SCARA5: variants seen among roughly 807,000 people sequenced by gnomAD.
SCARA5 encodes the protein scavenger receptor class A member 5.
SCARA5 carries 45 observed loss-of-function variants against 46.3 expected under a neutral mutation model. The ratio of observed to expected loss-of-function variants is 0.97; its 90% confidence interval spans 0.76 to 1.24. The LOEUF is 1.24. SCARA5 is among the 50% of genes most tolerant of loss of function. SCARA5 has a pLI of 0.00. For synonymous variants in SCARA5, 333 were observed against 306.5 expected, an observed-to-expected ratio of 1.09 and a Z score of -0.90; for missense variants, 680 against 689.0, an observed-to-expected ratio of 0.99 and a Z score of 0.15.
intron 3 of SCARA5, among the ~76,000 whole-genome samples, chr8:27,966,121 G>A (rs1215509950): frequency 6.6e-6 from 1 of 152,128 alleles, no homozygotes; most frequent in African/African-American, 2.4e-5. Context: ...AGAGGCCCAG[G>A]GAGGCCCAGT....
chr8:27,898,625 C>A (rs1370089157), intron 7 of SCARA5, among the ~76,000 whole-genome samples: 1 of 152,204 alleles, frequency 6.6e-6, no homozygotes, highest in East Asian at 1.9e-4. Flanking sequence ...TGTCCCTACT[C>A]CTGAAATAGC....
At position 27,887,591 on chromosome 8, in the gene SCARA5, C is replaced by T. The variant is rs535141616; in HGVS notation, c.1154-7825G>A. Among the ~76,000 whole-genome samples the T allele has an allele frequency of 2.0e-5, 3 of 152,288 alleles. No individual in the cohort carries two copies. In the South Asian group the frequency reaches 6.2e-4, roughly 32 times the overall value. On this transcript the variant is annotated intron_variant, in intron 7 of 8. Coordinates refer to ENST00000354914, the MANE Select transcript of SCARA5 (RefSeq NM_173833.6). ...TGTTCTTGACAGCTTATTCCAATCC[C>T]CATCCCACAAGGCTTTGGCAGAGCT...
intron 2 of SCARA5, among the ~76,000 whole-genome samples, chr8:27,981,462 A>G (rs1026472649): frequency 6.6e-6 from 1 of 152,218 alleles, no homozygotes; most frequent in African/African-American, 2.4e-5. Context: ...GGGTGACTCC[A>G]CAGGGCAGAA....
intron 2 of SCARA5, among the ~76,000 whole-genome samples, chr8:27,986,834 T>G (rs559181520): frequency 9.8e-5 from 15 of 152,310 alleles, no homozygotes; most frequent in Middle Eastern, 3.4e-3. Flanking sequence ...CTCTTTGACG[T>G]GGGGGCAATG....
At chr8:27,942,311 C>A (rs967566473) in intron 3 of SCARA5, among the ~76,000 whole-genome samples, 1 of 152,188 alleles carries the variant, frequency 6.6e-6, no homozygotes, top group Non-Finnish European at 1.5e-5. Context: ...AGCTTTTCAC[C>A]CTCTTCACGA....
intron 3 of SCARA5, among the ~76,000 whole-genome samples, chr8:27,934,940 A>G (rs769686726): frequency 3.3e-4 from 50 of 152,232 alleles, no homozygotes; most frequent in African/African-American, 8.9e-4. Flanking sequence ...GGCCAGCATG[A>G]AGGAGGTGAC....
chr8:27,991,223 C>T (rs534176022), intron 1 of SCARA5, among the ~76,000 whole-genome samples: 1 of 152,312 alleles, frequency 6.6e-6, no homozygotes, highest in Admixed American at 6.5e-5. Flanking sequence ...AGCTGCTGGT[C>T]ACCCAGGATC....
chr8:27,877,944 G>A (rs1335217792), intron 8 of SCARA5, among the ~76,000 whole-genome samples: 1 of 152,208 alleles, frequency 6.6e-6, no homozygotes. Context: ...AGGAGTGGAG[G>A]CTTCCACCTC....
At position 27,907,194 on chromosome 8, in the gene SCARA5, A is replaced by G; in HGVS notation, c.1050T>C (p.Asp350=). Residue 350 remains aspartate, a synonymous_variant, in exon 6 of 9, where the codon GAT becomes GAC. Transcript: ENST00000354914. ...TTGGTCCTGTGGCCCCCAGCTTCCC[A>G]TCATCGCCCTTGGGCCCGGGCAATC... is the stretch of plus-strand genomic sequence containing the variant. The part of the protein sequence containing the change: ...TPGLPGPKGD[D]GKLGATGPMG... 6.2e-7 allele frequency: 1 copy of G among 1,613,610 alleles called. No homozygotes were observed. The highest frequency in any genetic ancestry group is 8.5e-7 in the Non-Finnish European group (1 of 1,179,834).
At chr8:27,875,822 C>A (rs985201091) in intron 8 of SCARA5, among the ~76,000 whole-genome samples, 2 of 152,152 alleles carry the variant, frequency 1.3e-5, no homozygotes, top group Non-Finnish European at 2.9e-5. Flanking sequence ...TAGCAAGACC[C>A]TATTTCTCCA....
At chr8:27,984,805 A>G (rs1241170381) in intron 2 of SCARA5, among the ~76,000 whole-genome samples, 1 of 152,036 alleles carries the variant, frequency 6.6e-6, no homozygotes, top group Non-Finnish European at 1.5e-5. Flanking sequence ...CCATTCATCC[A>G]TCCATTCATC....
chr8:27,918,307 C>A (rs533326648), intron 4 of SCARA5, among the ~76,000 whole-genome samples: 1 of 152,300 alleles, frequency 6.6e-6, no homozygotes, highest in South Asian at 2.1e-4. Flanking sequence ...CCTTAAACCA[C>A]CTCATAGATT....
At chr8:27,938,449 C>T (rs1807891225) in intron 3 of SCARA5, among the ~76,000 whole-genome samples, 1 of 152,156 alleles carries the variant, frequency 6.6e-6, no homozygotes, top group Non-Finnish European at 1.5e-5. Flanking sequence ...CTCAAAGACT[C>T]ACTAATCAAA....
At chr8:27,878,216 G>A (rs1215354641) in intron 8 of SCARA5, among the ~76,000 whole-genome samples, 1 of 152,210 alleles carries the variant, frequency 6.6e-6, no homozygotes, top group Admixed American at 6.5e-5. Context: ...CTCCACAGGT[G>A]AGCAGTGGCA....
intron 3 of SCARA5, among the ~76,000 whole-genome samples, chr8:27,937,459 C>T (rs906452720): frequency 6.6e-6 from 1 of 152,220 alleles, no homozygotes; most frequent in Non-Finnish European, 1.5e-5. Flanking sequence ...CCCCAGTTGC[C>T]ACAGTGGGGA....
chr8:27,952,540 C>T (rs1808145204), intron 3 of SCARA5, among the ~76,000 whole-genome samples: 1 of 152,182 alleles, frequency 6.6e-6, no homozygotes, highest in Admixed American at 6.5e-5. Context: ...TCCCTTAGCC[C>T]TGTACTCTTC....
chr8:27,916,612 C>T (rs1036814275), intron 4 of SCARA5, among the ~76,000 whole-genome samples: 1 of 152,162 alleles, frequency 6.6e-6, no homozygotes, highest in East Asian at 1.9e-4. Context: ...TTTCTAGTGA[C>T]CTAGCCCTTG....
chr8:27,968,357 A>G (rs1808400420), intron 2 of SCARA5, among the ~76,000 whole-genome samples: 1 of 152,250 alleles, frequency 6.6e-6, no homozygotes, highest in Non-Finnish European at 1.5e-5. Context: ...ACTCATCCTT[A>G]CATTAGCAAG....
At chr8:27,906,665 T>C (rs1807267462) in intron 6 of SCARA5, among the ~76,000 whole-genome samples, 1 of 152,242 alleles carries the variant, frequency 6.6e-6, no homozygotes. Context: ...CTGACAGCCC[T>C]GTGAGATATA....
Sources: allele counts gnomAD v4.1 joint callset (sites outside exome capture counted in the v4.1 genomes callset), GRCh38; gene constraint gnomAD v4.1.1; transcripts MANE v1.5; gene names NCBI Gene and HGNC (gene_info 2026-07-23, HGNC 2026-07-21).